The following C1orf21 variants were observed in gnomAD, a reference collection of about 807,000 sequenced individuals.
The protein encoded by C1orf21 is uncharacterized protein C1orf21.
In C1orf21, 3 loss-of-function variants were observed where a neutral mutation model predicts 18.7. The observed-to-expected ratio is 0.16, with a 90% confidence interval of 0.07 to 0.42. The LOEUF is 0.42. Ranked by LOEUF, C1orf21 falls within the 10% of genes least tolerant of loss-of-function variation. C1orf21 has a pLI of 0.99. For missense variants in C1orf21, 104 were observed against 143.6 expected (o/e 0.72, Z 1.41); for synonymous variants, 41 against 46.4 (o/e 0.88, Z 0.47).
At chr1:184,499,973 G>A (rs1458725104) in intron 2 of C1orf21, among the ~76,000 whole-genome samples, 1 of 152,206 alleles carries the variant, frequency 6.6e-6, no homozygotes, top group Middle Eastern at 3.2e-3. Context: ...CAGTTCTTCA[G>A]TGGGTGGAAA....
At chr1:184,514,807 A>G (rs1030173891) in intron 3 of C1orf21, among the ~76,000 whole-genome samples, 3 of 152,256 alleles carry the variant, frequency 2.0e-5, no homozygotes, top group Admixed American at 6.5e-5. Context: ...TTAGAATTCT[A>G]TGAGCTGCCA....
chr1:184,597,540 C>G (rs1659532833), intron 4 of C1orf21, among the ~76,000 whole-genome samples: 1 of 152,046 alleles, frequency 6.6e-6, no homozygotes, highest in African/African-American at 2.4e-5. Context: ...AACCAGTAGG[C>G]ACTGATAGTA....
chr1:184,496,879 T>C (rs187323850), intron 2 of C1orf21, among the ~76,000 whole-genome samples: 32 of 152,356 alleles, frequency 2.1e-4, no homozygotes, highest in African/African-American at 7.0e-4. Flanking sequence ...TTTTTTTCTA[T>C]TGCACATCTT....
intron 1 of C1orf21, among the ~76,000 whole-genome samples, chr1:184,422,893 G>A (rs1656567986): frequency 6.6e-6 from 1 of 152,218 alleles, no homozygotes; most frequent in Admixed American, 6.5e-5. Flanking sequence ...CGAATAAAAT[G>A]TTTTGTCTGG....
At chr1:184,425,771 C>A (rs61823540) in intron 1 of C1orf21, among the ~76,000 whole-genome samples, 6,295 of 152,276 alleles carry the variant, frequency 0.041, 198 homozygotes, top group Middle Eastern at 0.12. Flanking sequence ...ACTTGCCTGG[C>A]AGAATTAATT....
chr1:184,443,353 A>G (rs1310649001), intron 1 of C1orf21, among the ~76,000 whole-genome samples: 1 of 152,166 alleles, frequency 6.6e-6, no homozygotes, highest in Non-Finnish European at 1.5e-5. Context: ...GTGGATAGTT[A>G]TCTGGTTTTA....
In C1orf21 at chr1:184,461,850, A is replaced by C. The variant is rs938279838; in HGVS notation, c.-124-15536A>C. On this transcript the variant is annotated intron_variant, in intron 1 of 5. Transcript: ENST00000235307. ...TGCTGGAATGGTTGATTAAAAAAAAACAAAACAAAACACATTGTTATGCTG... is the reference window on the plus strand; with the variant it reads ...TGCTGGAATGGTTGATTAAAAAAAACCAAAACAAAACACATTGTTATGCTG... 1.9e-4 allele frequency among the ~76,000 whole-genome samples: 29 copies of C among 152,306 alleles called. No individual in the cohort carries two copies. The East Asian group carries it at 5.4e-3, about 28-fold the overall frequency.
rs74131678 is a variant in C1orf21 at position 184,452,835 on chromosome 1, A to C, written c.-124-24551A>C. On this transcript the variant is annotated intron_variant, in intron 1 of 5. Transcript: ENST00000235307. Reference sequence around the variant, plus strand: ...AGCTCTCTCTGTCTTTCTTGTTTTAATATGACCGGCTCTGTTTGATGAGAG... The same window carrying C: ...AGCTCTCTCTGTCTTTCTTGTTTTACTATGACCGGCTCTGTTTGATGAGAG... 2.4e-3 allele frequency among the ~76,000 whole-genome samples: 371 copies of C among 152,234 alleles called. 1 individual carries two copies. The highest frequency in any genetic ancestry group is 8.5e-3 in the African/African-American group (354 of 41,544).
At chr1:184,469,215 A>C (rs1254964666) in intron 1 of C1orf21, among the ~76,000 whole-genome samples, 1 of 152,206 alleles carries the variant, frequency 6.6e-6, no homozygotes, top group African/African-American at 2.4e-5. Flanking sequence ...GCGCCACTGC[A>C]CTCCAGTCTG....
chr1:184,592,307 T>G (rs1174233082), intron 4 of C1orf21: 1 of 152,150 alleles, frequency 6.6e-6, no homozygotes, highest in Non-Finnish European at 1.5e-5. Context: ...ATCTATTGAG[T>G]GCCTAATACA....
At chr1:184,490,784 C>A (rs1657805535) in intron 2 of C1orf21, among the ~76,000 whole-genome samples, 1 of 152,000 alleles carries the variant, frequency 6.6e-6, no homozygotes, top group African/African-American at 2.4e-5. Flanking sequence ...GTAATAATGC[C>A]AGAACATGGC....
chr1:184,468,172 T>C (rs1657433921), intron 1 of C1orf21, among the ~76,000 whole-genome samples: 1 of 152,222 alleles, frequency 6.6e-6, no homozygotes, highest in South Asian at 2.1e-4. Context: ...CCTTGACAGT[T>C]CCAGAAGGAA....
intron 4 of C1orf21, among the ~76,000 whole-genome samples, chr1:184,596,898 A>G (rs886514281): frequency 3.3e-5 from 5 of 151,676 alleles, no homozygotes; most frequent in Admixed American, 6.6e-5. Flanking sequence ...AGAAAGAAAG[A>G]AAAGAAAAGA....
Position 184,622,476 on chromosome 1 carries a change from C to T in C1orf21, c.*2920C>T, listed in dbSNP as rs898777774. 6.6e-6 allele frequency: 1 copy of T among 152,632 alleles called. No homozygotes were observed. 9.5% of individuals were successfully genotyped at this position (152,632 alleles called of 1,614,324 possible). ...AGCTTTCTTTTGGTTGGCAGAGATT[C>T]AGGATCATGGAGTACTGCTCTCATA... is the stretch of plus-strand genomic sequence containing the variant. On this transcript the variant is annotated 3_prime_UTR_variant, in exon 6 of 6. Transcript: ENST00000235307.
At chr1:184,494,183 G>A (rs1364466675) in intron 2 of C1orf21, among the ~76,000 whole-genome samples, 3 of 152,202 alleles carry the variant, frequency 2.0e-5, no homozygotes, top group Non-Finnish European at 4.4e-5. Flanking sequence ...CAAACCATGA[G>A]AATACCTGGG....
At chr1:184,529,220 C>T (rs1281876601) in intron 3 of C1orf21, among the ~76,000 whole-genome samples, 1 of 151,982 alleles carries the variant, frequency 6.6e-6, no homozygotes, top group Non-Finnish European at 1.5e-5. Context: ...TTTCTTTCTC[C>T]TCTAGTTTTT....
chr1:184,513,194 T>C (rs966427855), intron 3 of C1orf21, among the ~76,000 whole-genome samples: 4 of 152,144 alleles, frequency 2.6e-5, no homozygotes, highest in Non-Finnish European at 5.9e-5. Context: ...TAGAAGAAAT[T>C]ATGTGAGAAT....
chr1:184,575,583 AC>A (rs1015382080), intron 3 of C1orf21, among the ~76,000 whole-genome samples: 3 of 149,828 alleles, frequency 2.0e-5, no homozygotes, highest in African/African-American at 4.9e-5. Context: ...AAAACTTAAA[AC>A]CCCCTGTATG....
chr1:184,397,041 A>G (rs1327946630), intron 1 of C1orf21, among the ~76,000 whole-genome samples: 1 of 152,160 alleles, frequency 6.6e-6, no homozygotes, highest in Non-Finnish European at 1.5e-5. Context: ...ATGTAGAAGA[A>G]AACTAAACAG....
Sources: allele counts gnomAD v4.1 joint callset (sites outside exome capture counted in the v4.1 genomes callset), GRCh38; gene constraint gnomAD v4.1.1; transcripts MANE v1.5; gene names NCBI Gene and HGNC (gene_info 2026-07-23, HGNC 2026-07-21).